Variants in ARID4B observed in about 807,000 individuals in gnomAD.
ARID4B encodes AT-rich interactive domain-containing protein 4B.
Under a neutral mutation model 147.5 loss-of-function variants are expected in ARID4B, and 26 were observed. That is an observed-to-expected ratio of 0.18 (90% CI 0.13 to 0.24). The LOEUF (loss-of-function observed/expected upper bound fraction) is 0.24, where lower values mean the gene tolerates loss of function less well. Ranked by LOEUF, ARID4B falls within the 10% of genes least tolerant of loss-of-function variation. The pLI is 1.00. For synonymous variants in ARID4B, 512 were observed against 507.9 expected, an observed-to-expected ratio of 1.01 and a Z score of -0.11; for missense variants, 1,179 against 1,511.5, an observed-to-expected ratio of 0.78 and a Z score of 3.65.
chr1:235,214,156 T>C, intron 16 of ARID4B, 130 bp from the exon 17 acceptor site: 4 of 1,096,346 alleles, frequency 3.6e-6, no homozygotes, highest in Non-Finnish European at 5.0e-6. Flanking sequence ...GTGTATGAAA[T>C]TCTCAGAGTT....
chr1:235,311,200 TA>T (rs570799211), intron 2 of ARID4B, among the ~76,000 whole-genome samples: 1 of 151,686 alleles, frequency 6.6e-6, no homozygotes, highest in African/African-American at 2.4e-5. Flanking sequence ...CTAGAAAATA[TA>T]AAAAATCAAC....
intron 2 of ARID4B, among the ~76,000 whole-genome samples, chr1:235,275,401 A>C (rs186882955): frequency 1.5e-4 from 23 of 152,274 alleles, no homozygotes; most frequent in Non-Finnish European, 2.2e-4. Flanking sequence ...GCACAGGGAG[A>C]AGTAGAGAAA....
chr1:235,248,342 A>G (rs978724032), intron 6 of ARID4B, among the ~76,000 whole-genome samples: 2 of 152,234 alleles, frequency 1.3e-5, no homozygotes, highest in Admixed American at 1.3e-4. Context: ...GAGCCACCAC[A>G]CCCACCCGGA....
intron 2 of ARID4B, among the ~76,000 whole-genome samples, chr1:235,269,749 C>T (rs1029091313): frequency 6.6e-6 from 1 of 151,848 alleles, no homozygotes; most frequent in African/African-American, 2.4e-5. Flanking sequence ...CAAATGACAT[C>T]GAATGTTAAC....
At chr1:235,282,160 T>C (rs1453549474) in intron 2 of ARID4B, among the ~76,000 whole-genome samples, 2 of 151,876 alleles carry the variant, frequency 1.3e-5, no homozygotes, top group Non-Finnish European at 2.9e-5. Context: ...CTTCAGGGAG[T>C]CCTGGTTAAC....
chr1:235,274,902 C>G (rs1671219745), intron 2 of ARID4B, among the ~76,000 whole-genome samples: 1 of 152,068 alleles, frequency 6.6e-6, no homozygotes, highest in Non-Finnish European at 1.5e-5. Flanking sequence ...GCAGACTTAT[C>G]TTTGAATTAT....
chr1:235,247,719 T>G (rs1669387156), intron 6 of ARID4B, among the ~76,000 whole-genome samples: 2 of 152,150 alleles, frequency 1.3e-5, no homozygotes, highest in African/African-American at 4.8e-5. Flanking sequence ...CCGGGTGCAG[T>G]GACTCACGCC....
intron 4 of ARID4B, among the ~76,000 whole-genome samples, chr1:235,256,809 A>T (rs909436797): frequency 6.6e-6 from 1 of 151,712 alleles, no homozygotes; most frequent in Non-Finnish European, 1.5e-5. Context: ...AAATAAATGT[A>T]GTCAATGCTT....
intron 19 of ARID4B, among the ~76,000 whole-genome samples, chr1:235,184,481 C>T (rs184818464): frequency 6.6e-6 from 1 of 152,228 alleles, no homozygotes; most frequent in African/African-American, 2.4e-5. Flanking sequence ...TAATCTACCC[C>T]CCAAGGTAGT....
rs527509440 is a variant in ARID4B at position 235,272,026 on chromosome 1, A to G, written c.7-11274T>C. Among the ~76,000 whole-genome samples the G allele has an allele frequency of 5.7e-4, 87 of 152,236 alleles. 2 individuals are homozygous for G. The highest frequency in any genetic ancestry group is 1.8e-3 in the African/African-American group (76 of 41,542). The stretch of plus-strand genomic sequence containing the variant: ...TTAATCGTGTTTCATATCCTCAAGA[A>G]TATGATTTTGAAAGACGTCATCAAC... On this transcript the variant is annotated intron_variant, in intron 2 of 23. Transcript: ENST00000264183.
Position 235,229,732 on chromosome 1 carries a change from A to T in ARID4B, c.743-347T>A, listed in dbSNP as rs1177649629. On this transcript the variant is annotated intron_variant, in intron 10 of 23. Coordinates refer to ENST00000264183, the MANE Select transcript of ARID4B (RefSeq NM_016374.6). ...GAAATCATGTAATATCTTATGCAAC[A>T]AACAATTATCAAACAGTATTAATAC... Among the ~76,000 whole-genome samples, 4 of 152,350 alleles carry T rather than the reference A, an allele frequency of 2.6e-5. 1 individual carries two copies. The East Asian group carries it at 7.7e-4, about 29-fold the overall frequency.
rs368699688 is a variant in ARID4B, at chr1:235,235,248, A to G, written c.586-756T>C. On this transcript the variant is annotated intron_variant, in intron 8 of 23. Transcript: ENST00000264183. ...TGTGCATGAGGGAAGGGATAATAAG[A>G]GGAGTTTTGGGACTACTAAGTTTTA... Among the ~76,000 whole-genome samples, 3 of 152,310 alleles carry G rather than the reference A, an allele frequency of 2.0e-5. No homozygotes were observed. The East Asian group carries it at 5.8e-4, about 29-fold the overall frequency.
chr1:235,269,118 A>G (rs1670807041), intron 2 of ARID4B, among the ~76,000 whole-genome samples: 1 of 152,218 alleles, frequency 6.6e-6, no homozygotes, highest in Non-Finnish European at 1.5e-5. Flanking sequence ...AAAGTTGGTA[A>G]CAAATTACAA....
intron 16 of ARID4B, among the ~76,000 whole-genome samples, chr1:235,215,563 G>T (rs181352030): frequency 8.1e-5 from 12 of 147,328 alleles, no homozygotes; most frequent in Admixed American, 6.1e-4. Context: ...GTGTGTGTGT[G>T]TGTGTGTGTG....
chr1:235,268,295 C>T (rs1670747989), intron 2 of ARID4B, among the ~76,000 whole-genome samples: 1 of 151,830 alleles, frequency 6.6e-6, no homozygotes, highest in Non-Finnish European at 1.5e-5. Context: ...ACAGAGAAGT[C>T]TAAATATTGG....
At chr1:235,246,976 C>T (rs996592569) in intron 6 of ARID4B, among the ~76,000 whole-genome samples, 5 of 152,096 alleles carry the variant, frequency 3.3e-5, no homozygotes, top group Non-Finnish European at 7.4e-5. Context: ...ATCGCACGAA[C>T]AAAAAGCCTC....
chr1:235,207,867 G>A (rs1483445867), intron 17 of ARID4B, among the ~76,000 whole-genome samples: 1 of 152,138 alleles, frequency 6.6e-6, no homozygotes, highest in African/African-American at 2.4e-5. Context: ...TTTTTTAAAT[G>A]TAACACATTT....
chr1:235,269,224 T>C (rs1315666707), intron 2 of ARID4B, among the ~76,000 whole-genome samples: 1 of 152,220 alleles, frequency 6.6e-6, no homozygotes, highest in Non-Finnish European at 1.5e-5. Context: ...TTCCTTATAC[T>C]AAAATGTTAA....
intron 19 of ARID4B, chr1:235,187,148 C>T: frequency 3.3e-6 from 1 of 303,776 alleles, no homozygotes; most frequent in Non-Finnish European, 6.1e-6. Flanking sequence ...ATGGCGTGAT[C>T]TCAGCTCACC....
Sources: allele counts gnomAD v4.1 joint callset (sites outside exome capture counted in the v4.1 genomes callset), GRCh38; gene constraint gnomAD v4.1.1; transcripts MANE v1.5; gene names NCBI Gene and HGNC (gene_info 2026-07-23, HGNC 2026-07-21).